LPP: variants seen among roughly 807,000 people sequenced by gnomAD.
LPP encodes lipoma-preferred partner.
A neutral mutation model predicts 60.4 loss-of-function variants in LPP; 38 were observed. That is an observed-to-expected ratio of 0.63 (90% confidence interval 0.49 to 0.83). The LOEUF (loss-of-function observed/expected upper bound fraction) is 0.83. Ranked by LOEUF, LPP falls within the 40% of genes least tolerant of loss-of-function variation. The pLI, the probability that LPP is intolerant of heterozygous loss-of-function variation, is 0.00. For synonymous variants in LPP, 328 were observed against 290.8 expected (o/e 1.13, Z -1.30); for missense variants, 902 against 783.6 (o/e 1.15, Z -1.80).
At chr3:188,677,034 G>A (rs1464946924) in intron 7 of LPP, among the ~76,000 whole-genome samples, 1 of 152,162 alleles carries the variant, frequency 6.6e-6, no homozygotes, top group Non-Finnish European at 1.5e-5. Flanking sequence ...CATCAGTTTA[G>A]CAGCCTGCAA....
At chr3:188,843,911 T>TG (rs1345601166) in intron 9 of LPP, among the ~76,000 whole-genome samples, 2 of 151,996 alleles carry the variant, frequency 1.3e-5, no homozygotes, top group Non-Finnish European at 2.9e-5. Flanking sequence ...TTTCTGGTCC[T>TG]CTTCCTCTCT....
chr3:188,218,388 C>G (rs935515974), intron 1 of LPP, among the ~76,000 whole-genome samples: 3 of 152,162 alleles, frequency 2.0e-5, no homozygotes, highest in Admixed American at 1.3e-4. Context: ...AGCCACCAGG[C>G]CAAAGCAACT....
At chr3:188,207,804 C>G (rs113246253) in intron 1 of LPP, among the ~76,000 whole-genome samples, 9 of 152,032 alleles carry the variant, frequency 5.9e-5, no homozygotes, top group African/African-American at 2.2e-4. Flanking sequence ...TCTGTGCCCC[C>G]CTGCTCCATC....
intron 1 of LPP, among the ~76,000 whole-genome samples, chr3:188,175,785 A>G (rs1175948469): frequency 6.6e-6 from 1 of 152,120 alleles, no homozygotes; most frequent in Non-Finnish European, 1.5e-5. Flanking sequence ...TCCAATTTTT[A>G]AAAGGATAGT....
intron 2 of LPP, among the ~76,000 whole-genome samples, chr3:188,298,845 G>T (rs1341401314): frequency 2.0e-5 from 3 of 152,142 alleles, no homozygotes; most frequent in Admixed American, 6.5e-5. Context: ...ATTCTGCCCA[G>T]TGTGGGATGG....
At chr3:188,779,728 TA>T (rs1361298596) in intron 9 of LPP, among the ~76,000 whole-genome samples, 1 of 152,162 alleles carries the variant, frequency 6.6e-6, no homozygotes, top group African/African-American at 2.4e-5. Flanking sequence ...TTGAAATCTC[TA>T]AAGGTTAAAA....
chr3:188,185,651 C>T (rs932023711), intron 1 of LPP, among the ~76,000 whole-genome samples: 1 of 152,184 alleles, frequency 6.6e-6, no homozygotes, highest in South Asian at 2.1e-4. Context: ...CAGAAAGCTA[C>T]TTTTTCTTCA....
At chr3:188,374,453 T>C (rs970498874) in intron 3 of LPP, among the ~76,000 whole-genome samples, 9 of 152,148 alleles carry the variant, frequency 5.9e-5, no homozygotes, top group African/African-American at 2.2e-4. Context: ...CCTAGGTATT[T>C]TATTCTCTTT....
Position 188,352,489 on chromosome 3 carries a change from G to A in LPP, c.-10+10770G>A, listed in dbSNP as rs574311607. Among the ~76,000 whole-genome samples the A allele has an allele frequency of 2.6e-5, 4 of 152,318 alleles. No individual in the cohort carries two copies. The highest frequency in any genetic ancestry group is 9.6e-5 in the African/African-American group (4 of 41,582). On this transcript the variant is annotated intron_variant, in intron 3 of 11. Coordinates refer to ENST00000617246, the MANE Select transcript of LPP (RefSeq NM_001375462.1). The surrounding 1 kb of genome is among the most constrained non-coding windows in gnomAD (Gnocchi z 4.4). ...GAGCTGTGTGACTGGCGAGCCCTCA[G>A]TTGCCACTTGGAAACGGTTGGAAAC... is the stretch of plus-strand genomic sequence containing the variant.
At chr3:188,660,537 A>G (rs972229653) in intron 7 of LPP, among the ~76,000 whole-genome samples, 1 of 152,172 alleles carries the variant, frequency 6.6e-6, no homozygotes, top group Non-Finnish European at 1.5e-5. Flanking sequence ...ACCAAGAATC[A>G]AATTCATTAT....
intron 6 of LPP, among the ~76,000 whole-genome samples, chr3:188,543,604 A>G (rs916757367): frequency 1.3e-5 from 2 of 152,244 alleles, no homozygotes; most frequent in Non-Finnish European, 1.5e-5. Context: ...GCTGGAGTCT[A>G]TCCTCAGTTA....
chr3:188,161,388 T>A (rs765333330), intron 1 of LPP, among the ~76,000 whole-genome samples: 3 of 152,178 alleles, frequency 2.0e-5, no homozygotes, highest in Non-Finnish European at 4.4e-5. Context: ...TAGAATAATA[T>A]CAGGTAGCTT....
chr3:188,362,497 T>C (rs1419181465), intron 3 of LPP, among the ~76,000 whole-genome samples: 1 of 152,200 alleles, frequency 6.6e-6, no homozygotes. Context: ...ATCCTCCTTC[T>C]CTTGTTTCCT....
chr3:188,815,397 A>G (rs1025610998), intron 9 of LPP, among the ~76,000 whole-genome samples: 4 of 152,180 alleles, frequency 2.6e-5, no homozygotes, highest in Admixed American at 2.0e-4. Context: ...CTGTAGAGCC[A>G]GTTATAGGTT....
intron 7 of LPP, among the ~76,000 whole-genome samples, chr3:188,703,522 G>A (rs528973835): frequency 2.6e-5 from 4 of 152,308 alleles, no homozygotes; most frequent in African/African-American, 9.6e-5. Flanking sequence ...TTCCACAGGT[G>A]TTAAGTATTC....
At chr3:188,613,686 T>G (rs1425849361) in intron 7 of LPP, among the ~76,000 whole-genome samples, 1 of 152,066 alleles carries the variant, frequency 6.6e-6, no homozygotes, top group Non-Finnish European at 1.5e-5. Flanking sequence ...ATCTAAAAGT[T>G]TTTCTTTTCC....
At chr3:188,456,736 G>A (rs536846644) in intron 4 of LPP, among the ~76,000 whole-genome samples, 129 of 152,326 alleles carry the variant, frequency 8.5e-4, no homozygotes, top group African/African-American at 2.9e-3. Context: ...ATGGAGCTGA[G>A]GCATTAGAAA....
chr3:188,603,954 C>G (rs1293230674), intron 6 of LPP, among the ~76,000 whole-genome samples: 1 of 152,072 alleles, frequency 6.6e-6, no homozygotes, highest in Non-Finnish European at 1.5e-5. Flanking sequence ...AAATCTTAAG[C>G]AGTTTCCCAT....
rs1418306794 is a variant in LPP, at chr3:188,888,291, A to G, written c.*13812A>G. 3 of 226,396 alleles carry G rather than the reference A, an allele frequency of 1.3e-5. No individual in the cohort carries two copies. The highest frequency in any genetic ancestry group is 2.6e-5 in the Non-Finnish European group (3 of 113,722). 14.0% of individuals were successfully genotyped at this position (226,396 alleles called of 1,614,324 possible). On this transcript the variant is annotated 3_prime_UTR_variant, in exon 12 of 12. Coordinates refer to ENST00000617246, the MANE Select transcript of LPP (RefSeq NM_001375462.1). The stretch of plus-strand genomic sequence containing the variant: ...ACTTTCTAAGTAGCAAATCTGTGCC[A>G]TGAAGTAGATGTGGCGTGAAGATAC...
Sources: gnomAD v4.1 joint callset for allele counts (sites outside exome capture counted in the v4.1 genomes callset) on GRCh38, gnomAD v4.1.1 for gene constraint, Gnocchi (gnomAD v3.1) non-coding constraint, MANE v1.5 for transcripts, NCBI Gene and HGNC (gene_info 2026-07-23, HGNC 2026-07-21) for gene names.